Variants in TAF4 observed in about 807,000 individuals in gnomAD.
TAF4 encodes the protein transcription initiation factor TFIID subunit 4.
Under a neutral mutation model 90.3 loss-of-function variants are expected in TAF4, and 9 were observed. The observed-to-expected ratio is 0.10, with a 90% confidence interval of 0.06 to 0.17. The LOEUF is 0.17. Ranked by LOEUF, TAF4 falls within the 10% of genes least tolerant of loss-of-function variation. The probability of loss-of-function intolerance (pLI) is 1.00; values close to 1 mark genes in which losing one functional copy is unlikely to be tolerated. For missense variants in TAF4, 1,351 were observed against 1,370.7 expected (o/e 0.99, Z 0.23); for synonymous variants, 818 against 638.9 (o/e 1.28, Z -4.23).
chr20:62,027,441 C>A (rs150475131), intron 1 of TAF4, among the ~76,000 whole-genome samples: 3 of 152,182 alleles, frequency 2.0e-5, no homozygotes, highest in African/African-American at 4.8e-5. Context: ...CTGTCTCCCC[C>A]CTCAACGCAA....
At chr20:62,021,898 G>C (rs1342331633) in intron 1 of TAF4, among the ~76,000 whole-genome samples, 1 of 152,190 alleles carries the variant, frequency 6.6e-6, no homozygotes, top group East Asian at 1.9e-4. Context: ...GGCACTGTGT[G>C]CAGTGGCCGC....
At chr20:62,021,497 C>T (rs111971125) in intron 1 of TAF4, among the ~76,000 whole-genome samples, 9 of 152,360 alleles carry the variant, frequency 5.9e-5, no homozygotes, top group Middle Eastern at 3.4e-3. Context: ...GCACTTGGCT[C>T]GACTCAAACA....
intron 1 of TAF4, among the ~76,000 whole-genome samples, chr20:62,047,278 G>A (rs1329113312): frequency 6.6e-6 from 1 of 152,120 alleles, no homozygotes; most frequent in Non-Finnish European, 1.5e-5. Flanking sequence ...TCCCAAAGCT[G>A]ACCAGGCTCC....
At position 61,998,200 on chromosome 20, in the gene TAF4, T is replaced by G; in HGVS notation, c.2914-8A>C. ...TTCTTGTCTTGACCGAGACTATTTTTGAAAGAGGCAGAAAAGAAAAGTAAG... is the reference window on the plus strand; with the variant it reads ...TTCTTGTCTTGACCGAGACTATTTTGGAAAGAGGCAGAAAAGAAAAGTAAG... On this transcript the variant is annotated splice_region_variant and splice_polypyrimidine_tract_variant and intron_variant, in intron 12 of 14. Transcript: ENST00000252996. The G allele has an allele frequency of 6.2e-7, 1 of 1,612,288 alleles. No homozygotes were observed. Among genetic ancestry groups the G allele is most frequent in the Non-Finnish European group, 8.5e-7 (1 of 1,179,544 alleles).
chr20:62,064,902 G>C lies in TAF4; in HGVS notation c.909C>G (p.Ala303=). The C allele has an allele frequency of 1.2e-5, 9 of 763,264 alleles. No individual in the cohort carries two copies. Among genetic ancestry groups the C allele is most frequent in the Non-Finnish European group, 1.3e-5 (8 of 632,812 alleles). 47.3% of individuals were successfully genotyped at this position (763,264 alleles called of 1,614,324 possible). A position where few individuals can be genotyped will look rare whatever the true frequency, so the allele number is the denominator to read the frequency against. Residue 303 remains alanine, a synonymous_variant, in exon 1 of 15, where the codon GCC becomes GCG. Coordinates refer to ENST00000252996, the MANE Select transcript of TAF4 (RefSeq NM_003185.4). The part of the protein sequence containing the change: ...AAPAVPPPAA[A]QNGGSAGAAP... ...CTGCCCCGGCGCTGCCCCCGTTCTG[G>C]GCGGCGGCGGGGGGCGGCACGGCGG... is the stretch of plus-strand genomic sequence containing the variant.
At chr20:62,002,959 G>C (rs1341016237) in intron 9 of TAF4, among the ~76,000 whole-genome samples, 2 of 152,218 alleles carry the variant, frequency 1.3e-5, no homozygotes, top group African/African-American at 4.8e-5. Flanking sequence ...TGTGTATGAA[G>C]CAAAACCTCT....
chr20:61,979,912 G>A (rs1000071229), intron 14 of TAF4, among the ~76,000 whole-genome samples: 33 of 152,254 alleles, frequency 2.2e-4, no homozygotes, highest in Non-Finnish European at 1.5e-5. Context: ...TGCGGCATGT[G>A]CAGGCGCAAT....
chr20:62,038,620 G>C (rs1017759737), intron 1 of TAF4, among the ~76,000 whole-genome samples: 7 of 152,174 alleles, frequency 4.6e-5, no homozygotes, highest in African/African-American at 1.7e-4. Flanking sequence ...CTGAGAACTT[G>C]AAACAACCCT....
At chr20:61,998,925 T>A in intron 12 of TAF4, 58 bp downstream of exon 12, 1 of 1,596,228 alleles carries the variant, frequency 6.3e-7, no homozygotes, top group East Asian at 2.2e-5. Flanking sequence ...AGTGAGCTCA[T>A]CAGGTTGTGG....
chr20:62,004,985 C>T (rs1740354), intron 7 of TAF4: 150,491 of 152,424 alleles, frequency 0.99, 74,294 homozygotes, highest in East Asian at 1. Context: ...GGCCCAGGTG[C>T]TTCAGAATTT....
At position 62,064,667 on chromosome 20, in the gene TAF4, C is replaced by T; in HGVS notation, c.1144G>A (p.Ala382Thr). 7.8e-7 allele frequency: 1 copy of T among 1,285,652 alleles called. No individual in the cohort carries two copies. The highest frequency in any genetic ancestry group is 9.8e-7 in the Non-Finnish European group (1 of 1,022,988). 79.6% of individuals were successfully genotyped at this position (1,285,652 alleles called of 1,614,324 possible). The stretch of plus-strand genomic sequence containing the variant: ...GGGACGGCGGCCGGGCTGGGCAGCG[C>T]CCCTTGCATAGTTGGCCCGATGACC... Reference protein sequence around the residue: ...SMVIGPTMQGALPSPAAVPPP... With the variant: ...SMVIGPTMQGTLPSPAAVPPP... The change falls in exon 1 of 15, where the codon GCG becomes ACG. Residue 382 changes from alanine (A) to threonine (T), a missense_variant. Coordinates refer to ENST00000252996, the MANE Select transcript of TAF4 (RefSeq NM_003185.4).
chr20:62,052,571 T>C (rs1281517440), intron 1 of TAF4, among the ~76,000 whole-genome samples: 3 of 151,236 alleles, frequency 2.0e-5, no homozygotes, highest in Non-Finnish European at 2.9e-5. Context: ...ATCACTAGAA[T>C]GTCCCCGCCC....
At chr20:62,003,950 G>C (rs1371387960) in intron 7 of TAF4, 72 bp from the exon 8 acceptor site, 1 of 1,480,278 alleles carries the variant, frequency 6.8e-7, no homozygotes, top group Non-Finnish European at 8.9e-7. Context: ...CCTAGCAGGA[G>C]GTTCTTCCCT....
chr20:61,988,072 C>T (rs375175423), intron 14 of TAF4, among the ~76,000 whole-genome samples: 1 of 152,228 alleles, frequency 6.6e-6, no homozygotes, highest in South Asian at 2.1e-4. Flanking sequence ...GAGGGATGAA[C>T]GGGCAGAGCA....
At chr20:62,018,643 G>T (rs981582362) in intron 1 of TAF4, among the ~76,000 whole-genome samples, 1 of 152,220 alleles carries the variant, frequency 6.6e-6, no homozygotes, top group African/African-American at 2.4e-5. Context: ...AGCCACGTGG[G>T]ACACTGGCCG....
intron 2 of TAF4, among the ~76,000 whole-genome samples, chr20:62,013,551 C>T (rs1197674928): frequency 6.6e-6 from 1 of 152,256 alleles, no homozygotes. Flanking sequence ...TACTTCAGAT[C>T]TGGGTGGTCT....
rs2055490818 is a variant in TAF4, at chr20:61,975,820, A to AG, written c.*347_*348insC. The stretch of plus-strand genomic sequence containing the variant: ...TACACCTACATAGTAAGTTAGGTAG[A>AG]ACTAAACCAAAATGCACAAATAATG... On this transcript the variant is annotated 3_prime_UTR_variant, in exon 15 of 15. Coordinates refer to ENST00000252996, the MANE Select transcript of TAF4 (RefSeq NM_003185.4). 7.5e-6 allele frequency: 2 copies of AG among 266,388 alleles called. No homozygotes were observed. Among genetic ancestry groups the AG allele is most frequent in the Non-Finnish European group, 1.4e-5 (2 of 138,480 alleles). 16.5% of individuals were successfully genotyped at this position (266,388 alleles called of 1,614,324 possible). A position where few individuals can be genotyped will look rare whatever the true frequency, so the allele number is the denominator to read the frequency against.
At chr20:62,022,082 C>T (rs1215071926) in intron 1 of TAF4, among the ~76,000 whole-genome samples, 1 of 151,948 alleles carries the variant, frequency 6.6e-6, no homozygotes, top group Non-Finnish European at 1.5e-5. Context: ...CCTGGGGACA[C>T]AAATCTAAGA....
rs1476364936 is a variant in TAF4 at position 62,065,798 on chromosome 20, A to G, written c.13T>C (p.Ser5Pro). Reference protein sequence around the residue: MAAGSDLLDEVFFNS... With the variant: MAAGPDLLDEVFFNS... ...AAGAAGACCTCGTCCAGCAGATCCGAGCCCGCCGCCATCTTTTTTCCTCGG... is the reference window on the plus strand; with the variant it reads ...AAGAAGACCTCGTCCAGCAGATCCGGGCCCGCCGCCATCTTTTTTCCTCGG... Residue 5 changes from serine (S) to proline (P), a missense_variant, in exon 1 of 15, where the codon TCG becomes CCG. Coordinates refer to ENST00000252996, the MANE Select transcript of TAF4 (RefSeq NM_003185.4). 3.9e-6 allele frequency: 5 copies of G among 1,297,102 alleles called. No individual in the cohort carries two copies. The highest frequency in any genetic ancestry group is 4.0e-6 in the Non-Finnish European group (4 of 1,001,552). The allele number at this position is 1,297,102 out of a possible 1,614,324, so 80.3% of individuals were successfully genotyped here.
Sources: gnomAD v4.1 joint callset for allele counts (sites outside exome capture counted in the v4.1 genomes callset) on GRCh38, gnomAD v4.1.1 for gene constraint, MANE v1.5 for transcripts, NCBI Gene and HGNC (gene_info 2026-07-23, HGNC 2026-07-21) for gene names.